DERA: variants seen among roughly 807,000 people sequenced by gnomAD.
DERA encodes 2-deoxy-D-ribose 5-phosphate aldolase.
Under a neutral mutation model 41.1 loss-of-function variants are expected in DERA, and 15 were observed. That is an observed-to-expected ratio of 0.37 (90% confidence interval 0.24 to 0.56). The LOEUF is 0.56. DERA is among the 20% of genes least tolerant of loss of function. The pLI is 0.81. For missense variants in DERA, 396 were observed against 403.4 expected, an observed-to-expected ratio of 0.98 and a Z score of 0.16; for synonymous variants, 139 against 137.4, an observed-to-expected ratio of 1.01 and a Z score of -0.08.
At chr12:15,975,684 G>T (rs568872356) in intron 5 of DERA, among the ~76,000 whole-genome samples, 1 of 152,230 alleles carries the variant, frequency 6.6e-6, no homozygotes, top group South Asian at 2.1e-4. Context: ...GAAACAAGGT[G>T]GAGTCAGTTA....
intron 6 of DERA, among the ~76,000 whole-genome samples, chr12:16,029,291 C>T (rs879400714): frequency 7.9e-5 from 12 of 151,876 alleles, no homozygotes; most frequent in Non-Finnish European, 8.9e-5. Flanking sequence ...GGCGTAGTGG[C>T]GGGCGCCTGT....
At chr12:16,029,875 T>C (rs1426565048) in intron 6 of DERA, among the ~76,000 whole-genome samples, 4 of 148,488 alleles carry the variant, frequency 2.7e-5, no homozygotes, top group African/African-American at 9.8e-5. Flanking sequence ...TTTTAAGAGA[T>C]CATGCCTTGT....
rs142509753 is a variant in DERA, at chr12:15,937,020, C to T, written c.32-19916C>T. ...TAGTATCTTGCTCTATTGCCCAAGCCAGAGTGCAGTGGCATGAACATGGTT... is the reference window on the plus strand; with the variant it reads ...TAGTATCTTGCTCTATTGCCCAAGCTAGAGTGCAGTGGCATGAACATGGTT... On this transcript the variant is annotated intron_variant, in intron 1 of 8. Transcript: ENST00000428559. Among the ~76,000 whole-genome samples the T allele has an allele frequency of 3.5e-3, 532 of 152,078 alleles. 3 individuals carry two copies. The highest frequency in any genetic ancestry group is 0.012 in the African/African-American group (507 of 41,440).
At chr12:15,939,555 A>G (rs960051717) in intron 1 of DERA, among the ~76,000 whole-genome samples, 1 of 152,184 alleles carries the variant, frequency 6.6e-6, no homozygotes, top group African/African-American at 2.4e-5. Flanking sequence ...CCTCTTTGCA[A>G]AATTGTCATT....
At position 16,012,046 on chromosome 12, in the gene DERA, C is replaced by T. The variant is rs1948950044; in HGVS notation, c.638-20496C>T. Among the ~76,000 whole-genome samples the T allele has an allele frequency of 2.0e-5, 3 of 152,258 alleles. 1 individual carries two copies. In the South Asian group the frequency reaches 6.2e-4, roughly 32 times the overall value. On this transcript the variant is annotated intron_variant, in intron 6 of 8. Coordinates refer to ENST00000428559, the MANE Select transcript of DERA (RefSeq NM_015954.4). This position sits in a 1 kb window ranked among gnomAD's most constrained non-coding sequence, Gnocchi z 4.1. ...ACATGCATAACTAAGTCAGTGTTTC[C>T]TCAAAAGGGGCAGAGTTTGGTAAAG...
chr12:16,020,904 C>T lies in DERA; in HGVS notation c.638-11638C>T, dbSNP rs1439601902. Among the ~76,000 whole-genome samples, 1 of 152,208 alleles carries T rather than the reference C, an allele frequency of 6.6e-6. No homozygotes were observed. Among genetic ancestry groups the T allele is most frequent in the Non-Finnish European group, 1.5e-5 (1 of 68,034 alleles). On this transcript the variant is annotated intron_variant, in intron 6 of 8. Transcript: ENST00000428559. The surrounding 1 kb of genome is among the most constrained non-coding windows in gnomAD (Gnocchi z 5.5). ...AGGAAGAAATTTCTAAGCAGCAAAG[C>T]ATTCATGATGTGGCCCGGCTACTTC...
At position 16,001,522 on chromosome 12, in the gene DERA, T is replaced by G. The variant is rs1370360155; in HGVS notation, c.637+19086T>G. 6.6e-6 allele frequency among the ~76,000 whole-genome samples: 1 copy of G among 152,156 alleles called. No homozygotes were observed. The highest frequency in any genetic ancestry group is 2.4e-5 in the African/African-American group (1 of 41,426). On this transcript the variant is annotated intron_variant, in intron 6 of 8. Coordinates refer to ENST00000428559, the MANE Select transcript of DERA (RefSeq NM_015954.4). This position sits in a 1 kb window ranked among gnomAD's most constrained non-coding sequence, Gnocchi z 4.1. Reference sequence around the variant, plus strand: ...ACAAAGAGAGAGTAATACAGACTTGTGGAGTCATGGTCTTAGGTCTGTGTG... The same window carrying G: ...ACAAAGAGAGAGTAATACAGACTTGGGGAGTCATGGTCTTAGGTCTGTGTG...
At position 15,988,985 on chromosome 12, in the gene DERA, AGCTTT is replaced by A. The variant is rs1291313413; in HGVS notation, c.637+6553_637+6557del. 6.6e-6 allele frequency among the ~76,000 whole-genome samples: 1 copy of A among 152,218 alleles called. No homozygotes were observed. ...TGCGGCAGCATCCAGGCTCAGCCAC[AGCTTT>A]GCTCCGCAGTGGAGAAGGCTCCAGG... On this transcript the variant is annotated intron_variant, in intron 6 of 8. Coordinates refer to ENST00000428559, the MANE Select transcript of DERA (RefSeq NM_015954.4). The surrounding 1 kb of genome is among the most constrained non-coding windows in gnomAD (Gnocchi z 6.0).
At chr12:16,006,727 T>C (rs1948913419) in intron 6 of DERA, among the ~76,000 whole-genome samples, 1 of 152,268 alleles carries the variant, frequency 6.6e-6, no homozygotes. Context: ...AGACAGAGAC[T>C]TATTTATCAG....
intron 1 of DERA, among the ~76,000 whole-genome samples, chr12:15,945,598 G>T (rs988823640): frequency 1.4e-4 from 22 of 152,320 alleles, no homozygotes; most frequent in African/African-American, 5.3e-4. Flanking sequence ...CTTTGCTGAA[G>T]TTGCTTATCA....
chr12:15,936,890 C>CTTGT lies in DERA; in HGVS notation c.32-20046_32-20045insTTGT, dbSNP rs879803338. The stretch of plus-strand genomic sequence containing the variant: ...CTTGTCTTGTCTTGTCTTGTCTTGT[C>CTTGT]CTGTCCTGTCCTGTCCTGTCCTGTC... On this transcript the variant is annotated intron_variant, in intron 1 of 8. Transcript: ENST00000428559. This position sits in a 1 kb window ranked among gnomAD's most constrained non-coding sequence, Gnocchi z 4.6. 0.032 allele frequency among the ~76,000 whole-genome samples: 4,370 copies of CTTGT among 136,014 alleles called. 104 individuals carry two copies. Among genetic ancestry groups the CTTGT allele is most frequent in the Admixed American group, 0.081 (1,126 of 13,964 alleles). 89.2% of individuals were successfully genotyped at this position (136,014 alleles called of 152,430 possible). A position where few individuals can be genotyped will look rare whatever the true frequency, so the allele number is the denominator to read the frequency against.
At position 15,928,912 on chromosome 12, in the gene DERA, C is replaced by T. The variant is rs1198084491; in HGVS notation, c.31+17498C>T. 6.6e-6 allele frequency among the ~76,000 whole-genome samples: 1 copy of T among 152,136 alleles called. No homozygotes were observed. Among genetic ancestry groups the T allele is most frequent in the African/African-American group, 2.4e-5 (1 of 41,432 alleles). On this transcript the variant is annotated intron_variant, in intron 1 of 8. Transcript: ENST00000428559. This position sits in a 1 kb window ranked among gnomAD's most constrained non-coding sequence, Gnocchi z 4.6. ...CCATCATGGTTTTTGTACACTTGAC[C>T]TTACTTTTCTCAGCCTTCTAGATCT...
intron 6 of DERA, among the ~76,000 whole-genome samples, chr12:16,028,031 A>G (rs1357833812): frequency 6.6e-6 from 1 of 152,236 alleles, no homozygotes; most frequent in Admixed American, 6.5e-5. Context: ...GCATTAATAT[A>G]CACAGATATA....
rs1948941250 is a variant in DERA, at chr12:16,010,628, G to A, written c.638-21914G>A. ...TGTGAAAATTGTTTATGAACAGAAG[G>A]AGAGAGGCTGCATTGTCTCTATAAG... is the stretch of plus-strand genomic sequence containing the variant. On this transcript the variant is annotated intron_variant, in intron 6 of 8. Transcript: ENST00000428559. The surrounding 1 kb of genome is among the most constrained non-coding windows in gnomAD (Gnocchi z 5.5). Among the ~76,000 whole-genome samples the A allele has an allele frequency of 6.6e-6, 1 of 152,024 alleles. No individual in the cohort carries two copies. Among genetic ancestry groups the A allele is most frequent in the Non-Finnish European group, 1.5e-5 (1 of 68,012 alleles).
chr12:15,926,559 A>G (rs1948285398), intron 1 of DERA, among the ~76,000 whole-genome samples: 2 of 151,920 alleles, frequency 1.3e-5, no homozygotes, highest in Non-Finnish European at 1.5e-5. Flanking sequence ...ACACGGTGAA[A>G]CAGCGTCTCT....
intron 6 of DERA, among the ~76,000 whole-genome samples, chr12:15,991,631 G>A (rs569277552): frequency 2.0e-4 from 31 of 152,048 alleles, no homozygotes; most frequent in Admixed American, 7.2e-4. Flanking sequence ...ATATATAATC[G>A]AATCTATCAT....
At position 15,990,427 on chromosome 12, in the gene DERA, T is replaced by TTTTTG. The variant is rs373239672; in HGVS notation, c.637+8006_637+8010dup. ...TGTGGTACGCTACTTTCCATGTTCTTTTTTGTTTTGTTTTGTTTTTAGTTT... is the reference window on the plus strand; with the variant it reads ...TGTGGTACGCTACTTTCCATGTTCTTTTTTGTTTTGTTTTGTTTTGTTTTTAGTTT... On this transcript the variant is annotated intron_variant, in intron 6 of 8. Coordinates refer to ENST00000428559, the MANE Select transcript of DERA (RefSeq NM_015954.4). This position sits in a 1 kb window ranked among gnomAD's most constrained non-coding sequence, Gnocchi z 4.3. Among the ~76,000 whole-genome samples, 1,198 of 152,246 alleles carry TTTTTG rather than the reference T, an allele frequency of 7.9e-3. 11 individuals are homozygous for TTTTTG. Among genetic ancestry groups the TTTTTG allele is most frequent in the Middle Eastern group, 0.024 (7 of 294 alleles).
At position 15,985,995 on chromosome 12, in the gene DERA, C is replaced by T. The variant is rs576174456; in HGVS notation, c.637+3559C>T. Among the ~76,000 whole-genome samples the T allele has an allele frequency of 2.5e-3, 386 of 152,122 alleles. 2 individuals are homozygous for T. Among genetic ancestry groups the T allele is most frequent in the Non-Finnish European group, 4.6e-3 (316 of 67,958 alleles). ...GGATTTGTCTGGTTATCCCTTTCGT[C>T]TGTCAGTTTTTTCATCATGTATTTT... On this transcript the variant is annotated intron_variant, in intron 6 of 8. Transcript: ENST00000428559. This position sits in a 1 kb window ranked among gnomAD's most constrained non-coding sequence, Gnocchi z 4.2.
chr12:15,996,131 TGCAGAC>T lies in DERA; in HGVS notation c.637+13696_637+13701del, dbSNP rs562943746. Among the ~76,000 whole-genome samples, 2 of 149,454 alleles carry T rather than the reference TGCAGAC, an allele frequency of 1.3e-5. No individual in the cohort carries two copies. The highest frequency in any genetic ancestry group is 3.0e-5 in the Non-Finnish European group (2 of 67,458). On this transcript the variant is annotated intron_variant, in intron 6 of 8. Transcript: ENST00000428559. This position sits in a 1 kb window ranked among gnomAD's most constrained non-coding sequence, Gnocchi z 4.7. ...ATGCAGAAGAGAAAATTATTTCATA[TGCAGAC>T]ACAGACACACACACAGAGCATGTGT...
Sources: gnomAD v4.1 joint callset for allele counts (sites outside exome capture counted in the v4.1 genomes callset) on GRCh38, gnomAD v4.1.1 for gene constraint, Gnocchi (gnomAD v3.1) non-coding constraint, MANE v1.5 for transcripts, NCBI Gene and HGNC (gene_info 2026-07-23, HGNC 2026-07-21) for gene names.